The following LRRTM4 variants were observed in gnomAD, a reference collection of about 807,000 sequenced individuals.
The protein encoded by LRRTM4 is leucine-rich repeat transmembrane neuronal protein 4.
In LRRTM4, 25 loss-of-function variants were observed where a neutral mutation model predicts 47.6. The ratio of observed to expected loss-of-function variants is 0.53; its 90% CI spans 0.38 to 0.73. The LOEUF is 0.73. LRRTM4 is among the 30% of genes least tolerant of loss of function. The pLI is 0.00. For synonymous variants in LRRTM4, 311 were observed against 269.5 expected, an observed-to-expected ratio of 1.15 and a Z score of -1.51; for missense variants, 638 against 713.4, an observed-to-expected ratio of 0.89 and a Z score of 1.20.
At chr2:76,829,144 T>G (rs1558680397) in intron 3 of LRRTM4, among the ~76,000 whole-genome samples, 1 of 151,906 alleles carries the variant, frequency 6.6e-6, no homozygotes, top group Non-Finnish European at 1.5e-5. Context: ...TCCCAAAGTC[T>G]GCTTCCACTT....
intron 3 of LRRTM4, among the ~76,000 whole-genome samples, chr2:77,196,321 C>A (rs1673826039): frequency 6.6e-6 from 1 of 152,104 alleles, no homozygotes. Context: ...ACGTTGAGTA[C>A]ATTCAGTATT....
intron 3 of LRRTM4, among the ~76,000 whole-genome samples, chr2:76,978,156 T>A (rs1446713): frequency 0.39 from 59,127 of 151,772 alleles, 13,481 homozygotes; most frequent in African/African-American, 0.62. Flanking sequence ...AGCCTTCCCA[T>A]ACTATTCTCC....
chr2:77,481,612 C>G (rs1677706678), intron 3 of LRRTM4, among the ~76,000 whole-genome samples: 1 of 152,076 alleles, frequency 6.6e-6, no homozygotes, highest in African/African-American at 2.4e-5. Context: ...ATTCCACTTC[C>G]CTAAGTCTTC....
chr2:77,385,641 C>G (rs1290068815), intron 3 of LRRTM4, among the ~76,000 whole-genome samples: 1 of 151,576 alleles, frequency 6.6e-6, no homozygotes, highest in Non-Finnish European at 1.5e-5. Context: ...GTATTAATCT[C>G]AAATTTTCAC....
chr2:77,058,983 T>A (rs2103794270), intron 3 of LRRTM4, among the ~76,000 whole-genome samples: 1 of 152,254 alleles, frequency 6.6e-6, no homozygotes, highest in African/African-American at 2.4e-5. Flanking sequence ...AAATAACCAA[T>A]TTCTAAGTGA....
chr2:77,019,620 T>A (rs544998664), intron 3 of LRRTM4, among the ~76,000 whole-genome samples: 21 of 152,258 alleles, frequency 1.4e-4, no homozygotes, highest in African/African-American at 5.1e-4. Flanking sequence ...TTATTAACAC[T>A]GCTAACCAAG....
At position 76,838,551 on chromosome 2, in the gene LRRTM4, C is replaced by T. The variant is rs543751584; in HGVS notation, c.1552-89635G>A. Among the ~76,000 whole-genome samples the T allele has an allele frequency of 7.2e-5, 11 of 152,168 alleles. No individual in the cohort carries two copies. The South Asian group carries it at 2.3e-3, about 32-fold the overall frequency. ...GTCTTTGTAATTTACATTTGGAATT[C>T]ATTTTCTGTTCCCCCATCCCACCTC... On this transcript the variant is annotated intron_variant, in intron 3 of 3. Coordinates refer to ENST00000409884, the MANE Select transcript of LRRTM4 (RefSeq NM_001134745.3).
intron 3 of LRRTM4, among the ~76,000 whole-genome samples, chr2:77,092,810 A>G (rs1288691250): frequency 7.0e-6 from 1 of 142,436 alleles, no homozygotes; most frequent in African/African-American, 2.9e-5. Context: ...CAAATCAGCC[A>G]AGCAGTTTTT....
chr2:76,777,680 A>G (rs62172091), intron 3 of LRRTM4, among the ~76,000 whole-genome samples: 20,004 of 150,622 alleles, frequency 0.13, 1,378 homozygotes, highest in Middle Eastern at 0.17. Flanking sequence ...GGGGTTTTCT[A>G]GATATACAAT....
At chr2:77,515,250 C>T (rs900223148) in intron 3 of LRRTM4, among the ~76,000 whole-genome samples, 6 of 151,718 alleles carry the variant, frequency 4.0e-5, no homozygotes, top group Non-Finnish European at 7.4e-5. Flanking sequence ...AAAATATTAT[C>T]CCTCATTTTA....
intron 3 of LRRTM4, among the ~76,000 whole-genome samples, chr2:77,154,986 TACTA>T (rs920944194): frequency 1.2e-4 from 18 of 152,326 alleles, no homozygotes; most frequent in African/African-American, 3.1e-4. Flanking sequence ...GCCCTTGCAC[TACTA>T]ACTGTCAATT....
chr2:77,440,211 G>C (rs1034447892), intron 3 of LRRTM4, among the ~76,000 whole-genome samples: 22 of 152,172 alleles, frequency 1.4e-4, no homozygotes, highest in Non-Finnish European at 2.8e-4. Context: ...TCACGAAATC[G>C]AGACCATCCT....
intron 3 of LRRTM4, among the ~76,000 whole-genome samples, chr2:76,948,665 G>A (rs778984661): frequency 2.6e-5 from 4 of 151,630 alleles, no homozygotes; most frequent in African/African-American, 4.8e-5. Context: ...ATATTGCTGC[G>A]CCACTGAATT....
chr2:77,089,676 C>A (rs1680864139), intron 3 of LRRTM4, among the ~76,000 whole-genome samples: 1 of 151,716 alleles, frequency 6.6e-6, no homozygotes, highest in African/African-American at 2.4e-5. Context: ...CTCCCCTGGC[C>A]TGTGTTCTCA....
rs1249365269 is a variant in LRRTM4 at position 77,354,721 on chromosome 2, G to A, written c.1551+163597C>T. Among the ~76,000 whole-genome samples the A allele has an allele frequency of 3.3e-5, 5 of 152,136 alleles. No individual in the cohort carries two copies. The East Asian group carries it at 9.7e-4, about 29-fold the overall frequency. ...TGCCTCAGAGGTACTTTCAGCTCTA[G>A]ACAAGGAAGCTGGCCTTTCATACTT... On this transcript the variant is annotated intron_variant, in intron 3 of 3. Transcript: ENST00000409884.
At chr2:77,484,742 T>G (rs1451540986) in intron 3 of LRRTM4, among the ~76,000 whole-genome samples, 6 of 152,194 alleles carry the variant, frequency 3.9e-5, no homozygotes, top group Non-Finnish European at 8.8e-5. Context: ...TAAAAATGCT[T>G]AAAAGTTTAA....
In LRRTM4 at chr2:76,857,463, C is replaced by A. The variant is rs1028352669; in HGVS notation, c.1552-108547G>T. On this transcript the variant is annotated intron_variant, in intron 3 of 3. Coordinates refer to ENST00000409884, the MANE Select transcript of LRRTM4 (RefSeq NM_001134745.3). ...GTAAGGCTTTGGTCAAGAATAGGCT[C>A]TTAGTAGTTAAGTTTTGGGGGAACA... Among the ~76,000 whole-genome samples, 19 of 151,730 alleles carry A rather than the reference C, an allele frequency of 1.3e-4. No individual in the cohort carries two copies. The South Asian group carries it at 2.3e-3, about 18-fold the overall frequency.
chr2:76,985,637 T>C (rs1230268203), intron 3 of LRRTM4, among the ~76,000 whole-genome samples: 1 of 151,970 alleles, frequency 6.6e-6, no homozygotes, highest in Non-Finnish European at 1.5e-5. Context: ...GATTTGAAGT[T>C]TTTGTTAAGG....
intron 3 of LRRTM4, among the ~76,000 whole-genome samples, chr2:77,367,826 C>T (rs1384610177): frequency 6.6e-6 from 1 of 151,848 alleles, no homozygotes; most frequent in Non-Finnish European, 1.5e-5. Flanking sequence ...GAGATTACCT[C>T]ATATTAACAA....
Sources: allele counts gnomAD v4.1 joint callset (sites outside exome capture counted in the v4.1 genomes callset), GRCh38; gene constraint gnomAD v4.1.1; transcripts MANE v1.5; gene names NCBI Gene and HGNC (gene_info 2026-07-23, HGNC 2026-07-21).